GRIP1: variants seen among roughly 807,000 people sequenced by gnomAD.
The protein encoded by GRIP1 is glutamate receptor-interacting protein 1.
In GRIP1, 45 loss-of-function variants were observed where a neutral mutation model predicts 129.9. The observed-to-expected ratio is 0.35, with a 90% CI of 0.27 to 0.44. The LOEUF (loss-of-function observed/expected upper bound fraction) is 0.44. Ranked by LOEUF, GRIP1 falls within the 20% of genes least tolerant of loss-of-function variation. GRIP1 has a pLI of 1.00. For synonymous variants in GRIP1, 530 were observed against 520.8 expected (o/e 1.02, Z -0.24); for missense variants, 1,196 against 1,396.8 (o/e 0.86, Z 2.29).
intron 1 of GRIP1, among the ~76,000 whole-genome samples, chr12:66,798,007 C>A (rs556337156): frequency 9.2e-5 from 14 of 152,216 alleles, no homozygotes; most frequent in African/African-American, 3.4e-4. Flanking sequence ...AATGACAGAA[C>A]TGAAGGAGAA....
chr12:66,728,247 C>T (rs970859654), intron 1 of GRIP1, among the ~76,000 whole-genome samples: 1 of 152,136 alleles, frequency 6.6e-6, no homozygotes, highest in Non-Finnish European at 1.5e-5. Flanking sequence ...ACAGATTATC[C>T]AAATTAATGG....
intron 14 of GRIP1, among the ~76,000 whole-genome samples, chr12:66,428,573 G>A (rs951978053): frequency 6.6e-6 from 1 of 152,268 alleles, no homozygotes; most frequent in African/African-American, 2.4e-5. Flanking sequence ...ACAGGGATGA[G>A]TGGTGTGGTG....
At chr12:66,985,997 G>A (rs181482542) in intron 1 of GRIP1, among the ~76,000 whole-genome samples, 105 of 151,990 alleles carry the variant, frequency 6.9e-4, no homozygotes, top group African/African-American at 2.4e-3. Context: ...CCTGATTTTC[G>A]CCCTTGAGAT....
chr12:66,965,412 C>T (rs779688843), intron 1 of GRIP1, among the ~76,000 whole-genome samples: 8 of 151,966 alleles, frequency 5.3e-5, no homozygotes, highest in Non-Finnish European at 1.2e-4. Context: ...TAATCACTAA[C>T]AAAACAAATG....
At chr12:66,849,850 CT>C in intron 1 of GRIP1, among the ~76,000 whole-genome samples, 1 of 152,268 alleles carries the variant, frequency 6.6e-6, no homozygotes, top group South Asian at 2.1e-4. Context: ...GACCAGCTAC[CT>C]TTTGGCTGGT....
chr12:66,389,550 A>C (rs1264184135), intron 19 of GRIP1, among the ~76,000 whole-genome samples: 1 of 151,978 alleles, frequency 6.6e-6, no homozygotes. Context: ...TAAAAAGTCA[A>C]CCTCACAAGC....
chr12:66,816,266 C>T (rs1433276044), intron 1 of GRIP1, among the ~76,000 whole-genome samples: 1 of 152,104 alleles, frequency 6.6e-6, no homozygotes, highest in Non-Finnish European at 1.5e-5. Context: ...TACTTTATTG[C>T]AGCACTATTA....
chr12:67,044,556 A>G (rs1282830921), intron 1 of GRIP1, among the ~76,000 whole-genome samples: 1 of 152,194 alleles, frequency 6.6e-6, no homozygotes, highest in Non-Finnish European at 1.5e-5. Context: ...ATCTAGTACA[A>G]CTGTTGTCAT....
At chr12:66,531,811 C>G (rs901250241) in intron 4 of GRIP1, among the ~76,000 whole-genome samples, 1 of 151,136 alleles carries the variant, frequency 6.6e-6, no homozygotes, top group Admixed American at 6.6e-5. Context: ...TTTTTGTTCT[C>G]TTGGTAAGTG....
chr12:66,947,865 A>G (rs1158303787), intron 1 of GRIP1, among the ~76,000 whole-genome samples: 1 of 152,256 alleles, frequency 6.6e-6, no homozygotes, highest in African/African-American at 2.4e-5. Context: ...CAACATTTGC[A>G]GCTGAAATGA....
chr12:66,702,763 C>T (rs2035394068), intron 1 of GRIP1, among the ~76,000 whole-genome samples: 1 of 152,118 alleles, frequency 6.6e-6, no homozygotes, highest in Non-Finnish European at 1.5e-5. Flanking sequence ...ATGAATCATT[C>T]TACTTAACAA....
rs11176325 is a variant in GRIP1 at position 66,617,009 on chromosome 12, A to C, written c.56-20082T>G. ...TCTGAAAGGTCTATCTGTTCCTGAG[A>C]GGGAAGGCACAGGAGAAAGGAAACA... On this transcript the variant is annotated intron_variant, in intron 1 of 24. Transcript: ENST00000359742. Among the ~76,000 whole-genome samples the C allele has an allele frequency of 4.9e-3, 751 of 151,962 alleles. 7 individuals carry two copies. The highest frequency in any genetic ancestry group is 0.017 in the African/African-American group (707 of 41,428).
chr12:66,720,881 T>C (rs993366413), intron 1 of GRIP1, among the ~76,000 whole-genome samples: 1 of 152,216 alleles, frequency 6.6e-6, no homozygotes, highest in Non-Finnish European at 1.5e-5. Context: ...TTAATGTTGA[T>C]ATTTTGACCA....
intron 1 of GRIP1, among the ~76,000 whole-genome samples, chr12:66,716,055 T>A (rs2035877818): frequency 6.6e-6 from 1 of 152,074 alleles, no homozygotes; most frequent in Admixed American, 6.6e-5. Context: ...TATTCTCTTA[T>A]GAAAAATGAA....
chr12:66,553,439 A>G (rs1313538639), intron 2 of GRIP1, among the ~76,000 whole-genome samples: 1 of 152,020 alleles, frequency 6.6e-6, no homozygotes, highest in Non-Finnish European at 1.5e-5. Context: ...AATGATGTAG[A>G]CTTAGTCCCT....
intron 7 of GRIP1, among the ~76,000 whole-genome samples, chr12:66,503,933 G>A (rs750727886): frequency 1.3e-5 from 2 of 152,180 alleles, no homozygotes; most frequent in Non-Finnish European, 2.9e-5. Flanking sequence ...TTTTGAGAGT[G>A]TATACAAGTT....
At chr12:66,392,109 G>T (rs1050072755) in intron 19 of GRIP1, among the ~76,000 whole-genome samples, 199 bp downstream of exon 19, 8 of 152,196 alleles carry the variant, frequency 5.3e-5, no homozygotes, top group African/African-American at 1.9e-4. Flanking sequence ...GTTTGGTAAA[G>T]GTTCATGCCT....
intron 1 of GRIP1, among the ~76,000 whole-genome samples, chr12:66,930,055 C>CTCTCT (rs67075541): frequency 0.067 from 8,603 of 128,528 alleles, 376 homozygotes; most frequent in East Asian, 0.19. Context: ...CTCTCTCTCT[C>CTCTCT]TTTTTTTTTT....
At chr12:67,028,267 T>C (rs557382242) in intron 1 of GRIP1, among the ~76,000 whole-genome samples, 67 of 152,304 alleles carry the variant, frequency 4.4e-4, no homozygotes, top group African/African-American at 1.5e-3. Flanking sequence ...CACTGGGAAT[T>C]TGGGGAGAAC....
Sources: allele counts gnomAD v4.1 joint callset (sites outside exome capture counted in the v4.1 genomes callset), GRCh38; gene constraint gnomAD v4.1.1; transcripts MANE v1.5; gene names NCBI Gene and HGNC (gene_info 2026-07-23, HGNC 2026-07-21).